Variants in SIPA1L1 observed in about 807,000 individuals in gnomAD.
SIPA1L1 encodes signal induced proliferation associated 1 like 1, also known as signal-induced proliferation-associated 1-like protein 1.
A neutral mutation model predicts 162.7 loss-of-function variants in SIPA1L1; 26 were observed. The observed-to-expected ratio is 0.16, with a 90% CI of 0.12 to 0.22. SIPA1L1 has a LOEUF of 0.22. Among genes scored for constraint, SIPA1L1 ranks in the 10% least tolerant of loss-of-function variants. The pLI is 1.00. For synonymous variants in SIPA1L1, 829 were observed against 837.4 expected, an observed-to-expected ratio of 0.99 and a Z score of 0.17; for missense variants, 1,874 against 2,241.0, an observed-to-expected ratio of 0.84 and a Z score of 3.31.
chr14:71,719,394 C>T (rs1007036401), intron 17 of SIPA1L1, among the ~76,000 whole-genome samples: 1 of 152,214 alleles, frequency 6.6e-6, no homozygotes, highest in Non-Finnish European at 1.5e-5. Context: ...AAGTAGCACT[C>T]CCACCAGCAG....
chr14:71,567,513 G>T (rs2030927484), intron 4 of SIPA1L1, among the ~76,000 whole-genome samples: 1 of 152,164 alleles, frequency 6.6e-6, no homozygotes, highest in African/African-American at 2.4e-5. Context: ...TAAAAGAATG[G>T]CTACTCCATA....
intron 2 of SIPA1L1, among the ~76,000 whole-genome samples, chr14:71,349,484 C>A (rs944267292): frequency 6.6e-6 from 1 of 152,142 alleles, no homozygotes; most frequent in Admixed American, 6.5e-5. Context: ...CCTGACACTC[C>A]TGAAATCTGA....
chr14:71,681,389 C>T (rs2045796657), intron 12 of SIPA1L1, among the ~76,000 whole-genome samples: 1 of 152,170 alleles, frequency 6.6e-6, no homozygotes, highest in Admixed American at 6.5e-5. Context: ...GAGTGGTCAA[C>T]CCTTTATTCT....
At chr14:71,418,834 A>G (rs939661813) in intron 2 of SIPA1L1, among the ~76,000 whole-genome samples, 9 of 152,178 alleles carry the variant, frequency 5.9e-5, no homozygotes, top group Admixed American at 2.6e-4. Flanking sequence ...AATGTGGGGA[A>G]GTTCAGCATG....
chr14:71,675,648 C>T (rs1239795093), intron 12 of SIPA1L1, among the ~76,000 whole-genome samples: 1 of 152,210 alleles, frequency 6.6e-6, no homozygotes, highest in Non-Finnish European at 1.5e-5. Context: ...GTTTTTGTAG[C>T]AACTAATTAC....
At chr14:71,424,999 A>G (rs181129611) in intron 2 of SIPA1L1, among the ~76,000 whole-genome samples, 2 of 152,068 alleles carry the variant, frequency 1.3e-5, no homozygotes, top group Admixed American at 6.6e-5. Context: ...AACATTTTGT[A>G]TTTCTAGGAA....
chr14:71,423,205 G>C (rs1228448981), intron 2 of SIPA1L1, among the ~76,000 whole-genome samples: 1 of 151,978 alleles, frequency 6.6e-6, no homozygotes, highest in African/African-American at 2.4e-5. Context: ...TCTTTATATA[G>C]CTGTGATGTT....
At chr14:71,673,450 G>A (rs1008530851) in intron 12 of SIPA1L1, among the ~76,000 whole-genome samples, 11 of 152,178 alleles carry the variant, frequency 7.2e-5, no homozygotes, top group African/African-American at 2.7e-4. Flanking sequence ...CCAAGACAGT[G>A]TTCTGTGTCC....
intron 2 of SIPA1L1, among the ~76,000 whole-genome samples, chr14:71,452,801 C>A (rs1164907365): frequency 6.6e-6 from 1 of 152,190 alleles, no homozygotes; most frequent in East Asian, 1.9e-4. Flanking sequence ...AGTGCTTTGA[C>A]CTCAAGAACT....
chr14:71,730,859 G>A (rs1392796588), intron 20 of SIPA1L1, among the ~76,000 whole-genome samples: 2 of 152,176 alleles, frequency 1.3e-5, no homozygotes, highest in Non-Finnish European at 2.9e-5. Flanking sequence ...CATATGCCTT[G>A]TTTGCTTTGT....
chr14:71,378,005 G>A (rs2039568933), intron 2 of SIPA1L1, among the ~76,000 whole-genome samples: 1 of 152,154 alleles, frequency 6.6e-6, no homozygotes, highest in Non-Finnish European at 1.5e-5. Flanking sequence ...ACAGTGGAAA[G>A]AAGGAGAGGG....
At chr14:71,409,658 C>G (rs1454167397) in intron 2 of SIPA1L1, among the ~76,000 whole-genome samples, 1 of 152,090 alleles carries the variant, frequency 6.6e-6, no homozygotes, top group African/African-American at 2.4e-5. Flanking sequence ...GTGTTAATTT[C>G]TGGTTTTTGA....
chr14:71,346,294 A>G (rs1190662406), intron 2 of SIPA1L1, among the ~76,000 whole-genome samples: 1 of 152,222 alleles, frequency 6.6e-6, no homozygotes, highest in African/African-American at 2.4e-5. Context: ...TCAACCCTGT[A>G]ACTGGAGACA....
intron 5 of SIPA1L1, among the ~76,000 whole-genome samples, chr14:71,596,322 G>A (rs1596328997): frequency 6.6e-6 from 1 of 152,286 alleles, no homozygotes; most frequent in African/African-American, 2.4e-5. Flanking sequence ...CTCAGCTATT[G>A]ACTAGGGGCT....
At chr14:71,733,453 A>G (rs1263197809) in intron 20 of SIPA1L1, among the ~76,000 whole-genome samples, 3 of 152,272 alleles carry the variant, frequency 2.0e-5, no homozygotes, top group South Asian at 2.1e-4. Flanking sequence ...TGGAAGGGAG[A>G]TGATGGGAGG....
At chr14:71,502,494 ACC>A (rs2050342018) in intron 2 of SIPA1L1, among the ~76,000 whole-genome samples, 2 of 150,758 alleles carry the variant, frequency 1.3e-5, no homozygotes, top group African/African-American at 2.5e-5. Context: ...CAAGTGATCC[ACC>A]CGGCTCAACC....
chr14:71,349,672 G>A (rs569731325), intron 2 of SIPA1L1, among the ~76,000 whole-genome samples: 1 of 152,266 alleles, frequency 6.6e-6, no homozygotes, highest in South Asian at 2.1e-4. Flanking sequence ...GAGCCAGGAT[G>A]GTTTCAATAT....
At chr14:71,688,037 A>C (rs1156424609) in intron 13 of SIPA1L1, among the ~76,000 whole-genome samples, 2 of 152,176 alleles carry the variant, frequency 1.3e-5, no homozygotes, top group Non-Finnish European at 2.9e-5. Flanking sequence ...GCTCATCTTC[A>C]TTTTGAAATA....
chr14:71,589,344 A>G lies in SIPA1L1; in HGVS notation c.1472A>G (p.Tyr491Cys), dbSNP rs777279054. The G allele has an allele frequency of 6.2e-7, 1 of 1,606,850 alleles. No homozygotes were observed. The highest frequency in any genetic ancestry group is 1.1e-5 in the South Asian group (1 of 90,884). The part of the protein sequence containing the change: ...IVEHVDLGAY[Y>C]YRKFFYQKEH... ...GAACACGTAGATCTGGGTGCATACT[A>G]TTATAGAAAATTTTTCTACCAGAAG... is the stretch of plus-strand genomic sequence containing the variant. The change falls in exon 5 of 24, where the codon TAT (tyrosine) becomes TGT (cysteine). Residue 491 changes from tyrosine (Y) to cysteine (C), a missense_variant. Around this residue, in one of 5 missense-constraint regions of SIPA1L1, gnomAD observed 685 missense variants for 828.0 expected, o/e 0.83. Transcript: ENST00000381232.
Sources: gnomAD v4.1 joint callset for allele counts (sites outside exome capture counted in the v4.1 genomes callset) on GRCh38, gnomAD v4.1.1 for gene constraint, gnomAD v4.1.1 regional missense constraint, MANE v1.5 for transcripts, NCBI Gene and HGNC (gene_info 2026-07-23, HGNC 2026-07-21) for gene names.